ITFG2: variants seen among roughly 807,000 people sequenced by gnomAD.
ITFG2 encodes KICSTOR complex protein ITFG2.
In ITFG2, 36 loss-of-function variants were observed where a neutral mutation model predicts 54.4. The observed-to-expected ratio is 0.66, with a 90% CI of 0.51 to 0.87. ITFG2 has a LOEUF of 0.87. ITFG2 is among the 40% of genes least tolerant of loss of function. ITFG2 has a pLI of 0.00. For missense variants in ITFG2, 524 were observed against 576.7 expected (o/e 0.91, Z 0.94); for synonymous variants, 211 against 225.4 (o/e 0.94, Z 0.57).
intron 2 of ITFG2, among the ~76,000 whole-genome samples, chr12:2,854,070 G>T (rs979355968): frequency 6.6e-6 from 1 of 152,062 alleles, no homozygotes; most frequent in East Asian, 1.9e-4. Flanking sequence ...TTGTTGCCCC[G>T]GCTGGAGTGC....
chr12:2,849,183 T>G, intron 2 of ITFG2: 1 of 1,491,596 alleles, frequency 6.7e-7, no homozygotes, highest in Non-Finnish European at 8.9e-7. Flanking sequence ...TTGAGAACAC[T>G]GGAGCCTGGG....
Position 2,824,344 on chromosome 12 carries a change from C to T in ITFG2, c.*151C>T. Reference sequence around the variant, plus strand: ...AAAGATGGCAGCAGCCCTAGGGTGACCGTGAACTATAGACCTCGCAGTCTT... The same window carrying T: ...AAAGATGGCAGCAGCCCTAGGGTGATCGTGAACTATAGACCTCGCAGTCTT... On this transcript the variant is annotated 3_prime_UTR_variant, in exon 12 of 12. Transcript: ENST00000228799. 1.2e-6 allele frequency: 1 copy of T among 813,876 alleles called. No homozygotes were observed. Among genetic ancestry groups the T allele is most frequent in the African/African-American group, 1.7e-5 (1 of 59,324 alleles). 50.4% of individuals were successfully genotyped at this position (813,876 alleles called of 1,614,324 possible).
chr12:2,855,932 C>T (rs957425375), intron 2 of ITFG2, among the ~76,000 whole-genome samples: 2 of 152,102 alleles, frequency 1.3e-5, no homozygotes, highest in African/African-American at 2.4e-5. Flanking sequence ...TTTCCCATCC[C>T]AGACTCCTCT....
At chr12:2,855,351 G>A in intron 2 of ITFG2, 1 of 1,531,864 alleles carries the variant, frequency 6.5e-7, no homozygotes, top group East Asian at 2.5e-5. Flanking sequence ...AGGCTTGCCG[G>A]GTGAAGCCAG....
rs1490492978 is a variant in ITFG2 at position 2,854,967 on chromosome 12, C to T, written n.301-3045C>T. On this transcript the variant is annotated intron_variant and non_coding_transcript_variant, in intron 2 of 3. Coordinates refer to the ITFG2 transcript ENST00000537710. ...GGGGTGCTCTTGCCTCACTCCTCAACTTGAGCTTCTCCACCTCCTTCAACT... is the reference window on the plus strand; with the variant it reads ...GGGGTGCTCTTGCCTCACTCCTCAATTTGAGCTTCTCCACCTCCTTCAACT... The T allele has an allele frequency of 3.3e-6, 5 of 1,536,284 alleles. No homozygotes were observed. The African/African-American group carries it at 6.8e-5, about 21-fold the overall frequency.
intron 4 of ITFG2, chr12:2,819,797 AG>A (rs896346287): frequency 3.8e-5 from 10 of 261,874 alleles, no homozygotes; most frequent in Non-Finnish European, 6.5e-5. Flanking sequence ...CCATCCAGAT[AG>A]GGGGCTTGTA....
At chr12:2,839,601 C>T (rs904050009) in intron 1 of ITFG2, among the ~76,000 whole-genome samples, 1 of 152,128 alleles carries the variant, frequency 6.6e-6, no homozygotes, top group Non-Finnish European at 1.5e-5. Flanking sequence ...TGAGCGCCTA[C>T]TATGTACTGG....
intron 1 of ITFG2, among the ~76,000 whole-genome samples, chr12:2,815,230 A>G (rs556464766): frequency 6.6e-6 from 1 of 152,318 alleles, no homozygotes; most frequent in African/African-American, 2.4e-5. Flanking sequence ...TTAGAACTAA[A>G]TTTCTTGAGA....
At chr12:2,848,881 A>ACACG (rs1555092638) in intron 2 of ITFG2, among the ~76,000 whole-genome samples, 4 of 132,712 alleles carry the variant, frequency 3.0e-5, no homozygotes, top group Non-Finnish European at 3.4e-5. Context: ...ACACACGCAC[A>ACACG]CACACACACA....
At chr12:2,827,747 G>A (rs946281180), downstream of ITFG2, 75 of 1,611,210 alleles carry the variant, frequency 4.7e-5, no homozygotes, top group East Asian at 6.7e-5. This position sits in a 1 kb window ranked among gnomAD's most constrained non-coding sequence, Gnocchi z 4.0. Context: ...CCTCTTAGCC[G>A]TTGCTCCTTC....
At chr12:2,827,409 T>C, downstream of ITFG2, 1 of 1,520,330 alleles carries the variant, frequency 6.6e-7, no homozygotes, top group Middle Eastern at 2.2e-4. This position sits in a 1 kb window ranked among gnomAD's most constrained non-coding sequence, Gnocchi z 4.0. Flanking sequence ...TGCCTTTTGC[T>C]CTTCCCCCAT....
upstream of ITFG2, among the ~76,000 whole-genome samples, chr12:2,836,218 CTG>C (rs2098027376): frequency 6.6e-6 from 1 of 152,234 alleles, no homozygotes; most frequent in Admixed American, 6.5e-5. Context: ...CCAGTGCACA[CTG>C]AGACAGCTGC....
intron 2 of ITFG2, 30 bp downstream of exon 2, chr12:2,817,348 G>T (rs2097924676): frequency 6.6e-7 from 1 of 1,521,304 alleles, no homozygotes; most frequent in East Asian, 2.3e-5. Flanking sequence ...GGCCTGGAGG[G>T]GGGAAGGGAT....
Position 2,847,374 on chromosome 12 carries a change from C to G in ITFG2, n.300+6379C>G, listed in dbSNP as rs186336241. Among the ~76,000 whole-genome samples the G allele has an allele frequency of 1.1e-4, 16 of 152,206 alleles. No homozygotes were observed. In the East Asian group the frequency reaches 2.7e-3, roughly 26 times the overall value. On this transcript the variant is annotated intron_variant and non_coding_transcript_variant, in intron 2 of 3. Transcript: ENST00000537710. ...ACCCTGTACCCATTAAACAGTAACT[C>G]CCGGCCAGACGCGGTGGCTCACGCC...
rs2098051351 is a variant in ITFG2, at chr12:2,845,543, C to T, written n.300+4548C>T. Among the ~76,000 whole-genome samples the T allele has an allele frequency of 6.6e-6, 1 of 152,076 alleles. No homozygotes were observed. The highest frequency in any genetic ancestry group is 2.4e-5 in the African/African-American group (1 of 41,426). ...GGTGGAGGGAGGGGAGTTTTTGGCCCGGAAATGGCTGGGAAGACTTCCTTT... is the reference window on the plus strand; with the variant it reads ...GGTGGAGGGAGGGGAGTTTTTGGCCTGGAAATGGCTGGGAAGACTTCCTTT... On this transcript the variant is annotated intron_variant and non_coding_transcript_variant, in intron 2 of 3. Transcript: ENST00000537710. This position sits in a 1 kb window ranked among gnomAD's most constrained non-coding sequence, Gnocchi z 4.2.
At chr12:2,820,606 C>G (rs2097940309) in intron 5 of ITFG2, 118 bp from the exon 6 acceptor site, 1 of 884,174 alleles carries the variant, frequency 1.1e-6, no homozygotes, top group African/African-American at 1.7e-5. Flanking sequence ...AGGGCTGTTC[C>G]CAGGACTGCT....
downstream of ITFG2, chr12:2,826,581 T>A (rs1239473687): frequency 3.3e-5 from 5 of 152,706 alleles, no homozygotes; most frequent in African/African-American, 1.2e-4. Flanking sequence ...CTTCAGACAT[T>A]TGCAGCCACA....
chr12:2,822,978 G>A lies in ITFG2; in HGVS notation c.1066+67G>A, dbSNP rs2097950762. On this transcript the variant is annotated intron_variant, in intron 10 of 11. Transcript: ENST00000228799. ...TTAGATAGGCGTGTTAGGCATGCCA[G>A]GGAAGTGTTTGCCCCTCACTTCCCT... 3 of 1,243,338 alleles carry A rather than the reference G, an allele frequency of 2.4e-6. No homozygotes were observed. In the Admixed American group the frequency reaches 5.2e-5, roughly 21 times the overall value. 77.0% of individuals were successfully genotyped at this position (1,243,338 alleles called of 1,614,324 possible).
intron 2 of ITFG2, chr12:2,855,291 C>G: frequency 6.6e-7 from 1 of 1,524,152 alleles, no homozygotes; most frequent in Non-Finnish European, 8.8e-7. Flanking sequence ...GCTGACGCAC[C>G]TTGGACTTCA....
Sources: gnomAD v4.1 joint callset for allele counts (sites outside exome capture counted in the v4.1 genomes callset) on GRCh38, gnomAD v4.1.1 for gene constraint, Gnocchi (gnomAD v3.1) non-coding constraint, MANE v1.5 for transcripts, NCBI Gene and HGNC (gene_info 2026-07-23, HGNC 2026-07-21) for gene names.